CFAP77: variants seen among roughly 807,000 people sequenced by gnomAD.
CFAP77 encodes cilia and flagella associated protein 77.
A neutral mutation model predicts 31.1 loss-of-function variants in CFAP77; 25 were observed. The ratio of observed to expected loss-of-function variants is 0.80; its 90% CI spans 0.59 to 1.12. The LOEUF (loss-of-function observed/expected upper bound fraction) is 1.12. Among genes scored for constraint, CFAP77 ranks in the 50% most tolerant of loss-of-function variants. The pLI is 0.00. For missense variants in CFAP77, 377 were observed against 397.3 expected, an observed-to-expected ratio of 0.95 and a Z score of 0.44; for synonymous variants, 151 against 159.9, an observed-to-expected ratio of 0.94 and a Z score of 0.42.
intron 1 of CFAP77, among the ~76,000 whole-genome samples, chr9:132,416,748 C>G (rs565695121): frequency 5.7e-4 from 86 of 151,998 alleles, no homozygotes; most frequent in African/African-American, 1.9e-3. Flanking sequence ...AGTGATTCTC[C>G]TGCCTCAGCC....
In CFAP77 at chr9:132,565,858, G is replaced by A. The variant is rs902314242; in HGVS notation, c.733-6530G>A. Reference sequence around the variant, plus strand: ...AACAGGACCAGCTCCTTCGCCAACCGGGATAAAGCCTCCCGCTCGCCCGGC... The same window carrying A: ...AACAGGACCAGCTCCTTCGCCAACCAGGATAAAGCCTCCCGCTCGCCCGGC... On this transcript the variant is annotated intron_variant, in intron 5 of 5. Coordinates refer to ENST00000393216, the MANE Select transcript of CFAP77 (RefSeq NM_001282957.2). The surrounding 1 kb of genome is among the most constrained non-coding windows in gnomAD (Gnocchi z 4.1). 4.6e-5 allele frequency among the ~76,000 whole-genome samples: 7 copies of A among 152,256 alleles called. No homozygotes were observed. In the East Asian group the frequency reaches 7.8e-4, roughly 17 times the overall value.
At position 132,452,390 on chromosome 9, in the gene CFAP77, C is replaced by G. The variant is rs574481088; in HGVS notation, c.195+41924C>G. ...GTTATAAATAGGCAAGACCCCTTCC[C>G]GTGCCCCTGCTTTGCAAAGAGCACC... On this transcript the variant is annotated intron_variant, in intron 1 of 5. Transcript: ENST00000393216. 5.3e-5 allele frequency among the ~76,000 whole-genome samples: 8 copies of G among 152,284 alleles called. No homozygotes were observed. In the South Asian group the frequency reaches 1.7e-3, roughly 32 times the overall value.
intron 1 of CFAP77, among the ~76,000 whole-genome samples, chr9:132,447,537 C>T (rs377656176): frequency 3.9e-5 from 6 of 152,288 alleles, no homozygotes; most frequent in East Asian, 3.9e-4. Context: ...ACCAGGAGCG[C>T]GTGGCCTTTT....
intron 1 of CFAP77, among the ~76,000 whole-genome samples, chr9:132,418,327 G>A (rs1850144355): frequency 6.6e-6 from 1 of 152,208 alleles, no homozygotes; most frequent in Admixed American, 6.5e-5. Flanking sequence ...ACTGGACAGC[G>A]CTCCCAACCC....
chr9:132,543,088 T>TGGCTGCCGCTCACCTTGCC (rs1237776807), intron 5 of CFAP77, 41 bp downstream of exon 5: 3 of 1,544,588 alleles, frequency 1.9e-6, no homozygotes, highest in Non-Finnish European at 2.7e-6. Context: ...TGCACCTTGC[T>TGGCTGCCGCTCACCTTGCC]GGCTGCCGCT....
chr9:132,452,312 G>A (rs1850841808), intron 1 of CFAP77, among the ~76,000 whole-genome samples: 2 of 152,204 alleles, frequency 1.3e-5, no homozygotes, highest in Admixed American at 6.5e-5. Context: ...GGAAAGTCAA[G>A]CCTGTTGAGA....
rs964988174 is a variant in CFAP77 at position 132,517,107 on chromosome 9, G to T, written c.524+17507G>T. On this transcript the variant is annotated intron_variant, in intron 3 of 5. Coordinates refer to ENST00000393216, the MANE Select transcript of CFAP77 (RefSeq NM_001282957.2). The surrounding 1 kb of genome is among the most constrained non-coding windows in gnomAD (Gnocchi z 4.7). ...TCTCCCTAGACGGCTCCACTTCTGG[G>T]TGTCCCTCATGGATCGGGTGTCGAT... 1.2e-4 allele frequency among the ~76,000 whole-genome samples: 19 copies of T among 152,134 alleles called. No individual in the cohort carries two copies. The highest frequency in any genetic ancestry group is 1.2e-3 in the Admixed American group (18 of 15,272).
intron 1 of CFAP77, among the ~76,000 whole-genome samples, chr9:132,427,182 A>G (rs1291382000): frequency 6.6e-6 from 1 of 152,162 alleles, no homozygotes; most frequent in Non-Finnish European, 1.5e-5. Context: ...AGAGCACGAG[A>G]AGCCCCGATT....
At chr9:132,411,337 T>A (rs1051223191) in intron 1 of CFAP77, among the ~76,000 whole-genome samples, 2 of 152,252 alleles carry the variant, frequency 1.3e-5, no homozygotes, top group Non-Finnish European at 2.9e-5. Context: ...CAACAATTAT[T>A]TGTGTGACCG....
chr9:132,572,541 T>C lies in CFAP77; in HGVS notation c.*31T>C. 1 of 1,521,954 alleles carries C rather than the reference T, an allele frequency of 6.6e-7. No homozygotes were observed. The highest frequency in any genetic ancestry group is 1.4e-5 in the African/African-American group (1 of 71,994). The allele number at this position is 1,521,954 out of a possible 1,614,324, so 94.3% of individuals were successfully genotyped here. A position where few individuals can be genotyped will look rare whatever the true frequency, so the allele number is the denominator to read the frequency against. ...CCCTCCCCTGCCACAAGAAGCCATCTTGACATAGTGGAAAATTCCCAGAAG... is the reference window on the plus strand; with the variant it reads ...CCCTCCCCTGCCACAAGAAGCCATCCTGACATAGTGGAAAATTCCCAGAAG... On this transcript the variant is annotated 3_prime_UTR_variant, in exon 6 of 6. Transcript: ENST00000393216.
chr9:132,544,490 ATTTT>A (rs57022259), intron 5 of CFAP77, among the ~76,000 whole-genome samples: 104 of 111,862 alleles, frequency 9.3e-4, no homozygotes, highest in Non-Finnish European at 1.5e-3. Flanking sequence ...CTCACTGCCT[ATTTT>A]TTTTTTTTTT....
chr9:132,488,216 G>A (rs984491898), intron 1 of CFAP77, among the ~76,000 whole-genome samples: 3 of 152,144 alleles, frequency 2.0e-5, no homozygotes, highest in African/African-American at 4.8e-5. Flanking sequence ...GGGCTAGCTC[G>A]TGATGGAATG....
chr9:132,493,850 TTCTTTTCTTTTC>T (rs981183041), intron 1 of CFAP77, among the ~76,000 whole-genome samples: 15 of 151,866 alleles, frequency 9.9e-5, no homozygotes, highest in South Asian at 8.3e-4. Flanking sequence ...TTCCTTTCTT[TTCTTTTCTTTTC>T]TCTTTTCTTT....
chr9:132,472,570 A>G (rs150284064), intron 1 of CFAP77, among the ~76,000 whole-genome samples: 4 of 152,324 alleles, frequency 2.6e-5, no homozygotes, highest in African/African-American at 9.6e-5. Flanking sequence ...CAGCCTGGGC[A>G]GCATAGTGAG....
At chr9:132,508,206 G>A (rs1032936795) in intron 3 of CFAP77, among the ~76,000 whole-genome samples, 25 of 152,226 alleles carry the variant, frequency 1.6e-4, no homozygotes, top group African/African-American at 6.0e-4. Context: ...TGTGATCCCC[G>A]CCCCCCGCGC....
chr9:132,429,705 A>C (rs1360052727), intron 1 of CFAP77, among the ~76,000 whole-genome samples: 1 of 149,880 alleles, frequency 6.7e-6, no homozygotes, highest in Non-Finnish European at 1.5e-5. Flanking sequence ...AAAAAAAAAA[A>C]GTTAGCCGGA....
chr9:132,410,304 C>T lies in CFAP77; in HGVS notation c.33C>T (p.Leu11=), dbSNP rs554068836. 1.9e-6 allele frequency: 3 copies of T among 1,593,324 alleles called. No homozygotes were observed. Among genetic ancestry groups the T allele is most frequent in the Non-Finnish European group, 2.6e-6 (3 of 1,171,470 alleles). MPEARSSGPD[L]TRWRKQQQPV... is the part of the protein sequence containing the mutation. ...AGGCCAGGAGCTCCGGCCCGGACCT[C>T]ACGCGATGGAGGAAGCAGCAGCAGC... Residue 11 remains leucine (L), a synonymous_variant, in exon 1 of 6, where the codon CTC becomes CTT. Transcript: ENST00000393216.
intron 5 of CFAP77, among the ~76,000 whole-genome samples, chr9:132,555,529 A>G (rs899248509): frequency 2.6e-5 from 4 of 152,232 alleles, no homozygotes; most frequent in African/African-American, 9.6e-5. Context: ...GTGGCTGGAT[A>G]AGCACCTTGT....
chr9:132,468,501 C>T (rs893466349), intron 1 of CFAP77, among the ~76,000 whole-genome samples: 2 of 152,214 alleles, frequency 1.3e-5, no homozygotes, highest in South Asian at 2.1e-4. Flanking sequence ...GGGCCCACCT[C>T]GTACTCACCC....
Sources: allele counts gnomAD v4.1 joint callset (sites outside exome capture counted in the v4.1 genomes callset), GRCh38; gene constraint gnomAD v4.1.1; non-coding constraint Gnocchi (gnomAD v3.1); transcripts MANE v1.5; gene names NCBI Gene and HGNC (gene_info 2026-07-23, HGNC 2026-07-21).